Variants in POLD1 observed in about 807,000 individuals in gnomAD.
POLD1 encodes the protein DNA polymerase delta 1, catalytic subunit.
In POLD1, 79 loss-of-function variants were observed where a neutral mutation model predicts 129.7. The observed-to-expected ratio is 0.61, with a 90% confidence interval of 0.51 to 0.73. The LOEUF is 0.73. POLD1 is among the 30% of genes least tolerant of loss of function. The pLI is 0.00. For synonymous variants in POLD1, 714 were observed against 683.3 expected (o/e 1.04, Z -0.70); for missense variants, 1,338 against 1,595.8 (o/e 0.84, Z 2.75).
chr19:50,395,366 C>T (rs2038317993), intron 1 of POLD1, among the ~76,000 whole-genome samples: 2 of 151,814 alleles, frequency 1.3e-5, no homozygotes, highest in South Asian at 2.1e-4. Flanking sequence ...GAGGCCGAGG[C>T]GGGCGGATCA....
intron 17 of POLD1, among the ~76,000 whole-genome samples, chr19:50,412,581 A>G (rs531989571): frequency 1.3e-5 from 2 of 152,352 alleles, no homozygotes; most frequent in South Asian, 4.1e-4. Flanking sequence ...AAGCCCAGCT[A>G]TATCAGTAAT....
At chr19:50,398,132 A>G (rs2122185342) in intron 1 of POLD1, among the ~76,000 whole-genome samples, 1 of 152,322 alleles carries the variant, frequency 6.6e-6, no homozygotes, top group Non-Finnish European at 1.5e-5. Context: ...AAGGGCATAC[A>G]GGAGTTCTAG....
intron 1 of POLD1, among the ~76,000 whole-genome samples, chr19:50,387,289 TAAATAA>T (rs933443945): frequency 6.6e-6 from 1 of 151,910 alleles, no homozygotes; most frequent in African/African-American, 2.4e-5. Context: ...AAAAAATATA[TAAATAA>T]AAATAAAGCT....
At position 50,407,042 on chromosome 19, in the gene POLD1, G is replaced by A; in HGVS notation, c.1554G>A (p.Leu518=). 1 of 1,613,550 alleles carries A rather than the reference G, an allele frequency of 6.2e-7. No homozygotes were observed. Among genetic ancestry groups the A allele is most frequent in the Non-Finnish European group, 8.5e-7 (1 of 1,179,972 alleles). ...TGTACTGCCTGAAGGATGCCTACCT[G>A]CCACTGCGGCTGCTGGAGCGGCTCA... is the stretch of plus-strand genomic sequence containing the variant. ...LAVYCLKDAY[L]PLRLLERLMV... is the part of the protein sequence containing the mutation. The change falls in exon 13 of 27, where the codon CTG becomes CTA. Residue 518 remains leucine, a synonymous_variant. Transcript: ENST00000440232.
At chr19:50,417,494 G>A (rs2039353135) in intron 26 of POLD1, among the ~76,000 whole-genome samples, 1 of 152,180 alleles carries the variant, frequency 6.6e-6, no homozygotes, top group African/African-American at 2.4e-5. Context: ...CCGGCACCCA[G>A]TGTTGCCCGG....
At chr19:50,392,767 G>C (rs1474271925) in intron 1 of POLD1, among the ~76,000 whole-genome samples, 2 of 152,102 alleles carry the variant, frequency 1.3e-5, no homozygotes, top group Admixed American at 6.5e-5. Context: ...GTGAGCCACT[G>C]CACCCAGGCT....
intron 14 of POLD1, 42 bp from the exon 15 acceptor site, chr19:50,408,743 A>T: frequency 1.2e-6 from 2 of 1,603,152 alleles, no homozygotes; most frequent in Non-Finnish European, 1.7e-6. Context: ...CGGCATGGGA[A>T]CTCCTAGCCC....
rs2039005608 is a variant in POLD1, at chr19:50,409,168, G to T, written c.1939G>T (p.Val647Leu). 1 of 1,613,870 alleles carries T rather than the reference G, an allele frequency of 6.2e-7. No homozygotes were observed. The highest frequency in any genetic ancestry group is 8.5e-7 in the Non-Finnish European group (1 of 1,179,864). The change falls in exon 16 of 27, where the codon GTG becomes TTG. Residue 647 changes from valine (V) to leucine (L), a missense_variant. Transcript: ENST00000440232. The surrounding 1 kb of genome is among the most constrained non-coding windows in gnomAD (Gnocchi z 5.8). The stretch of plus-strand genomic sequence containing the variant: ...CAGGACCCCCACCGGGGACGAGTTT[G>T]TGAAGACCTCAGTGCGGAAGGGGCT... ...FIRTPTGDEF[V>L]KTSVRKGLLP... is the part of the protein sequence containing the mutation.
At chr19:50,389,086 C>T (rs2038064568) in intron 1 of POLD1, among the ~76,000 whole-genome samples, 1 of 151,322 alleles carries the variant, frequency 6.6e-6, no homozygotes, top group African/African-American at 2.4e-5. Context: ...GTGCCTCTGC[C>T]TCCCAGAGTG....
At chr19:50,408,292 G>A (rs1025662866) in intron 14 of POLD1, among the ~76,000 whole-genome samples, 3 of 151,966 alleles carry the variant, frequency 2.0e-5, no homozygotes, top group Non-Finnish European at 4.4e-5. Context: ...CTGAGATTGC[G>A]CCACTGCACT....
At chr19:50,404,801 CTGG>C (rs963121676) in intron 10 of POLD1, among the ~76,000 whole-genome samples, 1 of 151,682 alleles carries the variant, frequency 6.6e-6, no homozygotes, top group African/African-American at 2.4e-5. Flanking sequence ...GTTGCCCAGG[CTGG>C]AGTGCAATGG....
rs563082592 is a variant in POLD1, at chr19:50,398,300, G to A, written c.-1-551G>A. 3.9e-5 allele frequency among the ~76,000 whole-genome samples: 6 copies of A among 152,200 alleles called. No homozygotes were observed. In the South Asian group the frequency reaches 6.2e-4, roughly 16 times the overall value. Reference sequence around the variant, plus strand: ...AAAGAGATGTGCCAAGGCCGGGCGCGGAGACTCAGGCCTGTAATCTCAGCA... The same window carrying A: ...AAAGAGATGTGCCAAGGCCGGGCGCAGAGACTCAGGCCTGTAATCTCAGCA... On this transcript the variant is annotated intron_variant, in intron 1 of 26. Coordinates refer to ENST00000440232, the MANE Select transcript of POLD1 (RefSeq NM_002691.4).
chr19:50,406,212 G>T lies in POLD1; in HGVS notation c.1273G>T (p.Ala425Ser), dbSNP rs1027677934. 20 of 1,613,918 alleles carry T rather than the reference G, an allele frequency of 1.2e-5. No individual in the cohort carries two copies. The highest frequency in any genetic ancestry group is 1.7e-5 in the Non-Finnish European group (20 of 1,179,912). The stretch of plus-strand genomic sequence containing the variant: ...AACATTCCCTTTCCTGGGCCGTGTG[G>T]CCGGCCTTTGCTCCAACATCCGGGA... ...VQTFPFLGRVAGLCSNIRDSS... is the reference protein window; with the variant it reads ...VQTFPFLGRVSGLCSNIRDSS... Residue 425 changes from alanine (A) to serine (S), a missense_variant, in exon 11 of 27, where the codon GCC (alanine) becomes TCC (serine). Coordinates refer to ENST00000440232, the MANE Select transcript of POLD1 (RefSeq NM_002691.4). The surrounding 1 kb of genome is among the most constrained non-coding windows in gnomAD (Gnocchi z 5.5).
intron 18 of POLD1, 103 bp from the exon 19 acceptor site, chr19:50,413,639 C>A (rs1030398442): frequency 2.4e-5 from 37 of 1,534,838 alleles, no homozygotes; most frequent in Non-Finnish European, 3.3e-5. Flanking sequence ...TCTCCTGTTG[C>A]ATCCTTGGGT....
In POLD1 at chr19:50,416,615, GA is replaced by G; in HGVS notation, c.2960del (p.Asp987AlafsTer58). ...GRAEAVLLRGDHTRCKTVLTG... is the reference protein window; with the variant it reads ...GRAEAVLLRGXHTRCKTVLTG... ...ACCTGCCTCCTCTCCTGCAGGGGGG[GA>G]CCACACGCGCTGCAAGACGGTGCTC... On this transcript the variant is annotated frameshift_variant, in exon 24 of 27. Coordinates refer to ENST00000440232, the MANE Select transcript of POLD1 (RefSeq NM_002691.4). LOFTEE classifies it high-confidence loss of function. The G allele has an allele frequency of 6.4e-7, 1 of 1,561,334 alleles. No homozygotes were observed. Among genetic ancestry groups the G allele is most frequent in the Non-Finnish European group, 8.6e-7 (1 of 1,157,114 alleles).
Position 50,409,297 on chromosome 19 carries a change from T to C in POLD1, c.2006+62T>C, listed in dbSNP as rs2039010260. On this transcript the variant is annotated intron_variant, in intron 16 of 26. Transcript: ENST00000440232. The surrounding 1 kb of genome is among the most constrained non-coding windows in gnomAD (Gnocchi z 5.8). Reference sequence around the variant, plus strand: ...TGTTGGGGCCTCTGGGCAATCCCTGTCCCTCACTGGGACACCCCAGGGCTG... The same window carrying C: ...TGTTGGGGCCTCTGGGCAATCCCTGCCCCTCACTGGGACACCCCAGGGCTG... The C allele has an allele frequency of 7.6e-7, 1 of 1,324,288 alleles. No homozygotes were observed. Among genetic ancestry groups the C allele is most frequent in the African/African-American group, 1.4e-5 (1 of 69,382 alleles). 82.0% of individuals were successfully genotyped at this position (1,324,288 alleles called of 1,614,324 possible).
At chr19:50,414,476 C>T (rs2039202191) in intron 19 of POLD1, among the ~76,000 whole-genome samples, 1 of 152,260 alleles carries the variant, frequency 6.6e-6, no homozygotes, top group African/African-American at 2.4e-5. Flanking sequence ...GTGGGGAGGT[C>T]TCTGCCTCAG....
chr19:50,398,584 A>AAGC, intron 1 of POLD1, among the ~76,000 whole-genome samples: 1 of 151,234 alleles, frequency 6.6e-6, no homozygotes, highest in African/African-American at 2.4e-5. Flanking sequence ...AAAAAAAAAA[A>AAGC]AAAAAAAAGC....
In POLD1 at chr19:50,413,771, G is replaced by T; in HGVS notation, c.2280G>T (p.Met760Ile). The T allele has an allele frequency of 6.2e-7, 1 of 1,610,780 alleles. No homozygotes were observed. ...TGTATGGTGACACTGACTCCGTCAT[G>T]TGCCGATTCGGCGTGTCCTCGGTGG... ...KVVYGDTDSV[M>I]CRFGVSSVAE... The change falls in exon 19 of 27, where the codon ATG becomes ATT. Residue 760 changes from methionine to isoleucine, a missense_variant. Physicochemically the swap from Met to Ile is conservative, Grantham distance 10 (BLOSUM62 1). This residue lies in a region of POLD1 where 720 missense variants were observed against 1,002.6 expected (regional missense o/e 0.72). Transcript: ENST00000440232.
Sources: gnomAD v4.1 joint callset for allele counts (sites outside exome capture counted in the v4.1 genomes callset) on GRCh38, gnomAD v4.1.1 for gene constraint, gnomAD v4.1.1 regional missense constraint, Gnocchi (gnomAD v3.1) non-coding constraint, MANE v1.5 for transcripts, NCBI Gene and HGNC (gene_info 2026-07-23, HGNC 2026-07-21) for gene names.